PRKN: variants seen among roughly 807,000 people sequenced by gnomAD.
The protein encoded by PRKN is E3 ubiquitin-protein ligase parkin.
A neutral mutation model predicts 59.5 loss-of-function variants in PRKN; 56 were observed. That is an observed-to-expected ratio of 0.94 (90% CI 0.76 to 1.18). The LOEUF (loss-of-function observed/expected upper bound fraction) is 1.18, where lower values mean the gene tolerates loss of function less well. PRKN is among the 50% of genes most tolerant of loss of function. The probability of loss-of-function intolerance (pLI) is 0.00; values close to 1 mark genes in which losing one functional copy is unlikely to be tolerated. For synonymous variants in PRKN, 250 were observed against 222.1 expected (o/e 1.13, Z -1.12); for missense variants, 657 against 596.4 (o/e 1.10, Z -1.06).
intron 6 of PRKN, among the ~76,000 whole-genome samples, chr6:161,969,490 G>A (rs1780718692): frequency 6.6e-6 from 1 of 151,904 alleles, no homozygotes; most frequent in African/African-American, 2.4e-5. Flanking sequence ...CTGGTGAGGT[G>A]GGAAAACCTG....
chr6:162,045,722 G>A (rs1448521195), intron 5 of PRKN, among the ~76,000 whole-genome samples: 1 of 152,202 alleles, frequency 6.6e-6, no homozygotes, highest in East Asian at 1.9e-4. Flanking sequence ...TGAAGTGCGG[G>A]TCCCTGGGAG....
intron 6 of PRKN, among the ~76,000 whole-genome samples, chr6:161,882,792 T>C (rs939680043): frequency 6.6e-6 from 1 of 151,980 alleles, no homozygotes; most frequent in Non-Finnish European, 1.5e-5. Flanking sequence ...TCACTTGAGG[T>C]CAGGAGTTCG....
intron 2 of PRKN, among the ~76,000 whole-genome samples, chr6:162,437,147 C>T (rs1239419506): frequency 6.6e-6 from 1 of 152,042 alleles, no homozygotes; most frequent in Non-Finnish European, 1.5e-5. Context: ...ATTAATGTCT[C>T]TATAAGTTTT....
intron 1 of PRKN, among the ~76,000 whole-genome samples, chr6:162,651,118 G>T (rs1778414987): frequency 6.6e-6 from 1 of 151,860 alleles, no homozygotes; most frequent in South Asian, 2.1e-4. Context: ...CCACAATATG[G>T]CTTTGTTTGT....
chr6:161,806,321 C>T (rs1411720812), intron 6 of PRKN, among the ~76,000 whole-genome samples: 1 of 152,196 alleles, frequency 6.6e-6, no homozygotes, highest in Non-Finnish European at 1.5e-5. Context: ...AGGAACAGCA[C>T]TCACGGTTGT....
chr6:161,960,480 C>T (rs919203634), intron 6 of PRKN, among the ~76,000 whole-genome samples: 1 of 152,154 alleles, frequency 6.6e-6, no homozygotes, highest in Admixed American at 6.5e-5. Context: ...TTTAAGAATT[C>T]AGGGGATGAT....
intron 6 of PRKN, among the ~76,000 whole-genome samples, chr6:161,834,150 T>G (rs572653800): frequency 3.3e-5 from 5 of 150,086 alleles, no homozygotes; most frequent in African/African-American, 1.2e-4. Context: ...CTCCATCCAC[T>G]CAGTCAGATC....
At chr6:162,686,713 A>G (rs1165415165) in intron 1 of PRKN, among the ~76,000 whole-genome samples, 1 of 152,178 alleles carries the variant, frequency 6.6e-6, no homozygotes, top group East Asian at 1.9e-4. Flanking sequence ...GGAGTTCAAG[A>G]CCAACCTGGA....
chr6:161,601,980 A>T (rs980867861), intron 7 of PRKN, among the ~76,000 whole-genome samples: 3 of 152,212 alleles, frequency 2.0e-5, no homozygotes, highest in African/African-American at 7.2e-5. Context: ...GCTGTATTTA[A>T]ATATCAAAAG....
At chr6:161,896,640 G>A (rs1777638711) in intron 6 of PRKN, among the ~76,000 whole-genome samples, 1 of 152,268 alleles carries the variant, frequency 6.6e-6, no homozygotes, top group South Asian at 2.1e-4. Context: ...GGAGGAGCTG[G>A]GGGAGCAGGG....
At chr6:162,423,237 C>T (rs1195850636) in intron 2 of PRKN, among the ~76,000 whole-genome samples, 1 of 152,116 alleles carries the variant, frequency 6.6e-6, no homozygotes, top group African/African-American at 2.4e-5. Flanking sequence ...TATATGTACA[C>T]ATCAGTAACT....
chr6:161,848,625 G>A (rs1793299122), intron 6 of PRKN, among the ~76,000 whole-genome samples: 1 of 152,172 alleles, frequency 6.6e-6, no homozygotes, highest in Non-Finnish European at 1.5e-5. Context: ...AAAAATTCCA[G>A]TAGCACCTCC....
At position 161,552,674 on chromosome 6, in the gene PRKN, C is replaced by T. The variant is rs1409000303; in HGVS notation, c.934-3671G>A. On this transcript the variant is annotated intron_variant, in intron 8 of 11. Coordinates refer to ENST00000366898, the MANE Select transcript of PRKN (RefSeq NM_004562.3). This position sits in a 1 kb window ranked among gnomAD's most constrained non-coding sequence, Gnocchi z 4.9. ...ATTATAAAGTGACCAACTTTTTAAA[C>T]ACTACCCAGGCCAAGACACAGAACT... 1.3e-5 allele frequency among the ~76,000 whole-genome samples: 2 copies of T among 152,012 alleles called. No individual in the cohort carries two copies. The highest frequency in any genetic ancestry group is 2.9e-5 in the Non-Finnish European group (2 of 68,012).
chr6:161,639,993 G>C (rs191154918), intron 7 of PRKN, among the ~76,000 whole-genome samples: 1 of 152,260 alleles, frequency 6.6e-6, no homozygotes, highest in Admixed American at 6.5e-5. Flanking sequence ...AAAACTGTTG[G>C]CAAGTCCCCA....
intron 1 of PRKN, among the ~76,000 whole-genome samples, chr6:162,640,614 AT>A: frequency 6.6e-6 from 1 of 152,324 alleles, no homozygotes; most frequent in East Asian, 1.9e-4. Flanking sequence ...TCATCAGTTC[AT>A]TTAGTCCTTA....
At chr6:162,357,613 C>T (rs1039190935) in intron 2 of PRKN, among the ~76,000 whole-genome samples, 3 of 152,130 alleles carry the variant, frequency 2.0e-5, no homozygotes, top group African/African-American at 7.2e-5. Context: ...ATTTACCATG[C>T]AATCCAGCAA....
At chr6:162,337,933 G>A (rs967551200) in intron 2 of PRKN, among the ~76,000 whole-genome samples, 6 of 151,998 alleles carry the variant, frequency 3.9e-5, no homozygotes. Flanking sequence ...CATTATTAAT[G>A]TTACATAATA....
chr6:161,409,344 T>C lies in PRKN; in HGVS notation c.1084-22467A>G, dbSNP rs1176729438. 6.6e-6 allele frequency among the ~76,000 whole-genome samples: 1 copy of C among 152,170 alleles called. No individual in the cohort carries two copies. The highest frequency in any genetic ancestry group is 1.5e-5 in the Non-Finnish European group (1 of 68,036). On this transcript the variant is annotated intron_variant, in intron 9 of 11. Coordinates refer to ENST00000366898, the MANE Select transcript of PRKN (RefSeq NM_004562.3). This position sits in a 1 kb window ranked among gnomAD's most constrained non-coding sequence, Gnocchi z 4.6. ...TCTCTGAGACGATGACAGCATTGTGTGTTCTCTAAAGCGCCAGGTTATAAC... is the reference window on the plus strand; with the variant it reads ...TCTCTGAGACGATGACAGCATTGTGCGTTCTCTAAAGCGCCAGGTTATAAC...
At chr6:162,271,650 C>T (rs1780400607) in intron 2 of PRKN, 1 of 152,118 alleles carries the variant, frequency 6.6e-6, no homozygotes, top group East Asian at 1.9e-4. Context: ...ACAAGATGAG[C>T]CAGAGATGTT....
Sources: allele counts gnomAD v4.1 joint callset (sites outside exome capture counted in the v4.1 genomes callset), GRCh38; gene constraint gnomAD v4.1.1; non-coding constraint Gnocchi (gnomAD v3.1); transcripts MANE v1.5; gene names NCBI Gene and HGNC (gene_info 2026-07-23, HGNC 2026-07-21).